The following ADAMTS6 variants were observed in gnomAD, a reference collection of about 807,000 sequenced individuals.
ADAMTS6 encodes the protein ADAM metallopeptidase with thrombospondin type 1 motif 6, also known as A disintegrin and metalloproteinase with thrombospondin motifs 6.
ADAMTS6 carries 23 observed loss-of-function variants against 144.3 expected under a neutral mutation model. That is an observed-to-expected ratio of 0.16 (90% CI 0.11 to 0.23). The LOEUF is 0.23. ADAMTS6 is among the 10% of genes least tolerant of loss of function. The pLI, the probability that ADAMTS6 is intolerant of heterozygous loss-of-function variation, is 1.00. For synonymous variants in ADAMTS6, 444 were observed against 457.5 expected (o/e 0.97, Z 0.38); for missense variants, 999 against 1,379.6 (o/e 0.72, Z 4.37).
chr5:65,154,610 C>T (rs980508410), intron 24 of ADAMTS6, among the ~76,000 whole-genome samples: 2 of 152,148 alleles, frequency 1.3e-5, no homozygotes, highest in Admixed American at 1.3e-4. Context: ...GTTGATTGTC[C>T]TCTGCCAAGT....
chr5:65,240,922 G>C (rs970146296), intron 15 of ADAMTS6, among the ~76,000 whole-genome samples: 1 of 152,148 alleles, frequency 6.6e-6, no homozygotes, highest in Non-Finnish European at 1.5e-5. Context: ...AATTTTGCAT[G>C]TCACTGTACA....
intron 7 of ADAMTS6, among the ~76,000 whole-genome samples, chr5:65,374,578 A>T (rs1342396805): frequency 2.6e-5 from 4 of 151,998 alleles, no homozygotes; most frequent in Non-Finnish European, 4.4e-5. Context: ...CTTCAAGGAG[A>T]ACTACAAACC....
intron 11 of ADAMTS6, among the ~76,000 whole-genome samples, chr5:65,277,167 C>T (rs1435394234): frequency 1.3e-5 from 2 of 152,178 alleles, no homozygotes; most frequent in Non-Finnish European, 2.9e-5. Context: ...ATGGGGTCAA[C>T]TTCCAATCAG....
At chr5:65,206,452 G>A (rs1756089283) in intron 20 of ADAMTS6, among the ~76,000 whole-genome samples, 1 of 152,050 alleles carries the variant, frequency 6.6e-6, no homozygotes, top group African/African-American at 2.4e-5. Context: ...GAATCCAGAT[G>A]ATTTTGGGAG....
chr5:65,254,568 T>C (rs913615583), intron 14 of ADAMTS6, among the ~76,000 whole-genome samples: 3 of 152,116 alleles, frequency 2.0e-5, no homozygotes, highest in African/African-American at 7.2e-5. Flanking sequence ...CAGAAACACA[T>C]AATAAGGGCT....
intron 9 of ADAMTS6, among the ~76,000 whole-genome samples, chr5:65,321,853 C>A (rs373950183): frequency 1.3e-5 from 2 of 151,470 alleles, no homozygotes; most frequent in African/African-American, 4.8e-5. Flanking sequence ...GTAGCTGGGA[C>A]TACAGGCATG....
intron 7 of ADAMTS6, among the ~76,000 whole-genome samples, chr5:65,398,170 T>C (rs1268556393): frequency 3.3e-5 from 5 of 152,210 alleles, no homozygotes; most frequent in Non-Finnish European, 7.3e-5. Context: ...TGAGTTCAAC[T>C]ATGTCCTTAC....
intron 20 of ADAMTS6, among the ~76,000 whole-genome samples, chr5:65,205,158 C>T (rs1756000790): frequency 6.6e-6 from 1 of 150,606 alleles, no homozygotes. Context: ...TCCTATGCTC[C>T]ATTTGGGGCT....
chr5:65,253,972 G>A (rs1760433844), intron 14 of ADAMTS6, among the ~76,000 whole-genome samples: 1 of 151,438 alleles, frequency 6.6e-6, no homozygotes, highest in African/African-American at 2.4e-5. Context: ...AGCCTCCCAA[G>A]TAGCTAGGAC....
intron 7 of ADAMTS6, among the ~76,000 whole-genome samples, chr5:65,385,835 T>C (rs1752427445): frequency 6.6e-6 from 1 of 152,146 alleles, no homozygotes. Context: ...ACATAAGAAA[T>C]ACATTATGTG....
At chr5:65,264,777 G>T (rs1409262271) in intron 12 of ADAMTS6, among the ~76,000 whole-genome samples, 1 of 152,004 alleles carries the variant, frequency 6.6e-6, no homozygotes, top group East Asian at 1.9e-4. Context: ...ACCACAAAAC[G>T]TTTTATTGGA....
chr5:65,399,899 T>G (rs1753774087), intron 7 of ADAMTS6, among the ~76,000 whole-genome samples: 1 of 152,220 alleles, frequency 6.6e-6, no homozygotes, highest in South Asian at 2.1e-4. Flanking sequence ...TCATCTATAT[T>G]ATTTTTCTTC....
At chr5:65,332,259 A>AAT (rs1187782191) in intron 8 of ADAMTS6, among the ~76,000 whole-genome samples, 54 of 148,112 alleles carry the variant, frequency 3.6e-4, no homozygotes, top group African/African-American at 1.3e-3. Flanking sequence ...CAAAAAGCAG[A>AAT]ATATATATAT....
At chr5:65,243,818 A>T (rs1189130427) in intron 14 of ADAMTS6, among the ~76,000 whole-genome samples, 1 of 152,140 alleles carries the variant, frequency 6.6e-6, no homozygotes, top group East Asian at 1.9e-4. Flanking sequence ...TTTCAAAAAC[A>T]AACAAAAAAA....
intron 1 of ADAMTS6, among the ~76,000 whole-genome samples, chr5:65,477,466 T>C (rs1360791068): frequency 1.3e-5 from 2 of 152,194 alleles, no homozygotes; most frequent in Non-Finnish European, 2.9e-5. Flanking sequence ...TCTTGAGAAA[T>C]GTCCTGCTCT....
Position 65,151,754 on chromosome 5 carries a change from A to G in ADAMTS6, c.*82T>C, listed in dbSNP as rs1225459904. 1 of 1,261,174 alleles carries G rather than the reference A, an allele frequency of 7.9e-7. No individual in the cohort carries two copies. Among genetic ancestry groups the G allele is most frequent in the Non-Finnish European group, 1.1e-6 (1 of 872,086 alleles). The allele number at this position is 1,261,174 out of a possible 1,614,324, so 78.1% of individuals were successfully genotyped here. A position where few individuals can be genotyped will look rare whatever the true frequency, so the allele number is the denominator to read the frequency against. On this transcript the variant is annotated 3_prime_UTR_variant, in exon 25 of 25. Coordinates refer to ENST00000381055, the MANE Select transcript of ADAMTS6 (RefSeq NM_197941.4). ...GGGTAATGCATTTGCAAGGACATCA[A>G]TCCTCTTCCTCTGGGTGGCTCTCTT...
chr5:65,418,565 T>C (rs1755744558), intron 7 of ADAMTS6, among the ~76,000 whole-genome samples: 1 of 152,160 alleles, frequency 6.6e-6, no homozygotes, highest in Non-Finnish European at 1.5e-5. Context: ...ATAATAATTG[T>C]CTGGGTTTTT....
intron 7 of ADAMTS6, among the ~76,000 whole-genome samples, chr5:65,364,929 C>T (rs1217484084): frequency 2.6e-5 from 4 of 152,088 alleles, no homozygotes; most frequent in Non-Finnish European, 4.4e-5. Context: ...GATCAACTTA[C>T]GAGGTTATAG....
chr5:65,267,416 T>C (rs1438457086), intron 12 of ADAMTS6, among the ~76,000 whole-genome samples: 2 of 152,126 alleles, frequency 1.3e-5, no homozygotes, highest in Non-Finnish European at 1.5e-5. Flanking sequence ...ATCATATTTT[T>C]TTCCAAGAAT....
Sources: gnomAD v4.1 joint callset for allele counts (sites outside exome capture counted in the v4.1 genomes callset) on GRCh38, gnomAD v4.1.1 for gene constraint, MANE v1.5 for transcripts, NCBI Gene and HGNC (gene_info 2026-07-23, HGNC 2026-07-21) for gene names.